Variants in CLIC6 observed in about 807,000 individuals in gnomAD.
The protein encoded by CLIC6 is CLIC family member 6, also known as chloride intracellular channel protein 6.
A neutral mutation model predicts 49.2 loss-of-function variants in CLIC6; 39 were observed. That is an observed-to-expected ratio of 0.79 (90% confidence interval 0.61 to 1.04). The LOEUF is 1.04. Ranked by LOEUF, CLIC6 falls within the 50% of genes least tolerant of loss-of-function variation. The pLI is 0.00. For synonymous variants in CLIC6, 446 were observed against 433.4 expected, an observed-to-expected ratio of 1.03 and a Z score of -0.36; for missense variants, 988 against 993.1, an observed-to-expected ratio of 0.99 and a Z score of 0.07.
intron 5 of CLIC6, among the ~76,000 whole-genome samples, chr21:34,713,829 G>C (rs2056071217): frequency 6.6e-6 from 1 of 152,002 alleles, no homozygotes; most frequent in Non-Finnish European, 1.5e-5. Flanking sequence ...ACTGAGCTTT[G>C]AGAATAAAAA....
chr21:34,715,418 AAGATGG>A (rs1324934848), intron 5 of CLIC6, among the ~76,000 whole-genome samples: 1 of 152,304 alleles, frequency 6.6e-6, no homozygotes, highest in East Asian at 1.9e-4. Context: ...AGGCTCTGTG[AAGATGG>A]AGTTATGCTT....
chr21:34,669,361 T>A lies in CLIC6; in HGVS notation c.-28T>A. 8.1e-7 allele frequency: 1 copy of A among 1,235,200 alleles called. No homozygotes were observed. The highest frequency in any genetic ancestry group is 4.1e-5 in the South Asian group (1 of 24,318). The allele number at this position is 1,235,200 out of a possible 1,614,324, so 76.5% of individuals were successfully genotyped here. A position where few individuals can be genotyped will look rare whatever the true frequency, so the allele number is the denominator to read the frequency against. On this transcript the variant is annotated 5_prime_UTR_variant, in exon 1 of 6. Coordinates refer to ENST00000349499, the MANE Select transcript of CLIC6 (RefSeq NM_053277.3). The stretch of plus-strand genomic sequence containing the variant: ...CCCTTAAGCAGCGTCAAGGAAGGAG[T>A]CCCGATCAAGGACAGGGATCTGCGG...
chr21:34,712,403 T>C (rs935749315), intron 5 of CLIC6, among the ~76,000 whole-genome samples: 1 of 152,140 alleles, frequency 6.6e-6, no homozygotes, highest in Admixed American at 6.5e-5. Context: ...CTTCTTTCAG[T>C]GGGAGGAGCC....
intron 1 of CLIC6, among the ~76,000 whole-genome samples, chr21:34,693,756 T>C (rs1313146894): frequency 6.6e-6 from 1 of 152,172 alleles, no homozygotes; most frequent in Non-Finnish European, 1.5e-5. Context: ...AAACAGTTAC[T>C]ATAGTTCACA....
At chr21:34,708,146 A>AGT (rs142261285) in intron 3 of CLIC6, 77 bp downstream of exon 3, 519 of 1,522,880 alleles carry the variant, frequency 3.4e-4, no homozygotes, top group African/African-American at 7.0e-4. Context: ...AGCTCTGGGC[A>AGT]GTGTGTGTGT....
At chr21:34,679,639 G>C (rs1001236781) in intron 1 of CLIC6, among the ~76,000 whole-genome samples, 1 of 152,208 alleles carries the variant, frequency 6.6e-6, no homozygotes, top group African/African-American at 2.4e-5. Context: ...TTACTTCCCA[G>C]ATACGATGGG....
At chr21:34,697,421 C>G (rs895060901) in intron 1 of CLIC6, among the ~76,000 whole-genome samples, 3 of 152,162 alleles carry the variant, frequency 2.0e-5, no homozygotes, top group African/African-American at 7.2e-5. Flanking sequence ...TTCCCCTCCC[C>G]TCCCCTTCCC....
intron 1 of CLIC6, among the ~76,000 whole-genome samples, chr21:34,688,983 C>T (rs1326980925): frequency 1.3e-5 from 2 of 152,184 alleles, no homozygotes; most frequent in Non-Finnish European, 2.9e-5. Context: ...CAGGATCTTC[C>T]TTTCTAATCT....
rs903123722 is a variant in CLIC6, at chr21:34,707,892, G to T, written c.1485-52G>T. ...GAGGACGCGGCTAAGCCCTGGAAAT[G>T]AGTCCAGATTCTCACGGTGGCCCAT... On this transcript the variant is annotated intron_variant, in intron 2 of 5. Transcript: ENST00000349499. The T allele has an allele frequency of 2.5e-6, 4 of 1,604,722 alleles. No homozygotes were observed. The African/African-American group carries it at 4.0e-5, about 16-fold the overall frequency.
chr21:34,691,313 A>T (rs936440121), intron 1 of CLIC6, among the ~76,000 whole-genome samples: 1 of 150,770 alleles, frequency 6.6e-6, no homozygotes, highest in African/African-American at 2.5e-5. Context: ...TTCTAATAAA[A>T]TGTTGTGATT....
rs1462564399 is a variant in CLIC6, at chr21:34,670,515, G to A, written c.1127G>A (p.Arg376Gln). ...EPGEDEERRE[R>Q]SPEGPREEEA... is the part of the protein sequence containing the mutation. ...GGGGAGGACGAAGAGAGACGAGAGC[G>A]GAGCCCGGAGGGGCCAAGGGAGGAG... Residue 376 changes from arginine (R) to glutamine (Q), a missense_variant, in exon 1 of 6, where the codon CGG becomes CAG. Arg to Gln is a conservative substitution (Grantham distance 43). Transcript: ENST00000349499. 6 of 1,494,230 alleles carry A rather than the reference G, an allele frequency of 4.0e-6. No individual in the cohort carries two copies. Among genetic ancestry groups the A allele is most frequent in the Non-Finnish European group, 5.4e-6 (6 of 1,121,386 alleles). 92.6% of individuals were successfully genotyped at this position (1,494,230 alleles called of 1,614,324 possible). A position where few individuals can be genotyped will look rare whatever the true frequency, so the allele number is the denominator to read the frequency against.
At chr21:34,715,057 G>A (rs2056078622) in intron 5 of CLIC6, among the ~76,000 whole-genome samples, 1 of 152,192 alleles carries the variant, frequency 6.6e-6, no homozygotes, top group Admixed American at 6.5e-5. Context: ...CTGTCACATT[G>A]CATCAATGAC....
intron 1 of CLIC6, among the ~76,000 whole-genome samples, chr21:34,689,093 A>G (rs924908881): frequency 6.6e-6 from 1 of 152,178 alleles, no homozygotes; most frequent in East Asian, 1.9e-4. Flanking sequence ...CTCCTTCTTT[A>G]TTCTTCCCTT....
chr21:34,707,410 T>C (rs368464667), intron 2 of CLIC6, 21 bp downstream of exon 2: 2 of 1,444,440 alleles, frequency 1.4e-6, no homozygotes. Flanking sequence ...GCGTCTGCCT[T>C]ACTGAAATAA....
chr21:34,686,621 C>T (rs1378453797), intron 1 of CLIC6, among the ~76,000 whole-genome samples: 1 of 152,146 alleles, frequency 6.6e-6, no homozygotes. Flanking sequence ...TGATTTTTGT[C>T]CTGCAAGACT....
intron 1 of CLIC6, among the ~76,000 whole-genome samples, chr21:34,673,756 A>G (rs1989613470): frequency 6.6e-6 from 1 of 152,254 alleles, no homozygotes; most frequent in Admixed American, 6.5e-5. Context: ...AACAAACAAA[A>G]AAACACCCTT....
chr21:34,694,755 G>A (rs1990062758), intron 1 of CLIC6, among the ~76,000 whole-genome samples: 1 of 152,182 alleles, frequency 6.6e-6, no homozygotes. Context: ...TGTGAGAATG[G>A]ACTAATACAC....
At chr21:34,706,595 C>A (rs910709042) in intron 1 of CLIC6, among the ~76,000 whole-genome samples, 1 of 152,174 alleles carries the variant, frequency 6.6e-6, no homozygotes, top group Admixed American at 6.5e-5. Context: ...CCTTCTGAGA[C>A]AATAGTATCT....
In CLIC6 at chr21:34,669,019, CG is replaced by C. The variant is rs1369674124; in HGVS notation, c.-367del. Among the ~76,000 whole-genome samples the C allele has an allele frequency of 1.6e-4, 24 of 152,214 alleles. No homozygotes were observed. Among genetic ancestry groups the C allele is most frequent in the Non-Finnish European group, 3.2e-4 (22 of 68,032 alleles). ...AACCCCAGGACAGCGGACAGCGGGC[CG>C]GGCACTTCCAAAGGCGCAGGAGCGA... On this transcript the variant is annotated 5_prime_UTR_variant, in exon 1 of 6. Transcript: ENST00000349499.
Sources: allele counts gnomAD v4.1 joint callset (sites outside exome capture counted in the v4.1 genomes callset), GRCh38; gene constraint gnomAD v4.1.1; transcripts MANE v1.5; gene names NCBI Gene and HGNC (gene_info 2026-07-23, HGNC 2026-07-21).